The following ARHGAP44 variants were observed in gnomAD, a reference collection of about 807,000 sequenced individuals.
ARHGAP44 encodes the protein rho GTPase-activating protein 44.
Under a neutral mutation model 106.8 loss-of-function variants are expected in ARHGAP44, and 43 were observed. That is an observed-to-expected ratio of 0.40 (90% CI 0.32 to 0.52). The LOEUF (loss-of-function observed/expected upper bound fraction) is 0.52. ARHGAP44 is among the 20% of genes least tolerant of loss of function. The pLI is 0.48. For synonymous variants in ARHGAP44, 439 were observed against 410.3 expected, an observed-to-expected ratio of 1.07 and a Z score of -0.85; for missense variants, 866 against 1,050.5, an observed-to-expected ratio of 0.82 and a Z score of 2.43.
chr17:12,959,033 A>T (rs2039196194), intron 16 of ARHGAP44, 136 bp downstream of exon 16: 3 of 1,064,940 alleles, frequency 2.8e-6, no homozygotes, highest in Non-Finnish European at 4.1e-6. Context: ...TAGCAATTAA[A>T]CTGTATCTGC....
chr17:12,903,126 G>GAGAA (rs57334058), intron 3 of ARHGAP44, among the ~76,000 whole-genome samples: 1 of 70,700 alleles, frequency 1.4e-5, no homozygotes, highest in Non-Finnish European at 2.6e-5. Context: ...GAGAGAGAGA[G>GAGAA]GAGAGAGAGA....
At chr17:12,832,514 C>T (rs538157596) in intron 1 of ARHGAP44, among the ~76,000 whole-genome samples, 2 of 152,306 alleles carry the variant, frequency 1.3e-5, no homozygotes, top group African/African-American at 4.8e-5. Context: ...TTCTAACCTT[C>T]TGGCTAATTT....
chr17:12,865,897 C>T (rs542252414), intron 1 of ARHGAP44, among the ~76,000 whole-genome samples: 2 of 151,878 alleles, frequency 1.3e-5, no homozygotes, highest in African/African-American at 4.8e-5. Flanking sequence ...TATACTGTAT[C>T]GTAAGTAATG....
intron 1 of ARHGAP44, among the ~76,000 whole-genome samples, chr17:12,821,316 A>G (rs904181191): frequency 1.3e-5 from 2 of 152,232 alleles, no homozygotes; most frequent in Non-Finnish European, 2.9e-5. Context: ...TGTTATCAGT[A>G]AAACTGAAGT....
At chr17:12,987,327 T>TG (rs1041908823) in intron 20 of ARHGAP44, 4 of 558,490 alleles carry the variant, frequency 7.2e-6, no homozygotes, top group Admixed American at 7.0e-5. Flanking sequence ...TATTTGGCTT[T>TG]GGGGCATCCC....
intron 3 of ARHGAP44, among the ~76,000 whole-genome samples, chr17:12,906,440 A>G (rs1014176747): frequency 6.6e-6 from 1 of 152,162 alleles, no homozygotes; most frequent in Non-Finnish European, 1.5e-5. Flanking sequence ...GTATTTCTCA[A>G]CAACCAGCTA....
intron 6 of ARHGAP44, 98 bp from the exon 7 acceptor site, chr17:12,928,831 C>T (rs2038320959): frequency 7.5e-6 from 8 of 1,068,504 alleles, no homozygotes; most frequent in Admixed American, 4.4e-5. Flanking sequence ...TATGTAGTTC[C>T]CTGGGTGATA....
At chr17:12,796,032 A>G (rs939066183) in intron 1 of ARHGAP44, among the ~76,000 whole-genome samples, 1 of 152,156 alleles carries the variant, frequency 6.6e-6, no homozygotes, top group African/African-American at 2.4e-5. Context: ...TAGAAAAATC[A>G]TAAACTTATG....
At chr17:12,956,883 A>G (rs199989914) in intron 15 of ARHGAP44, 137 bp downstream of exon 15, 1 of 555,984 alleles carries the variant, frequency 1.8e-6, no homozygotes, top group Non-Finnish European at 3.2e-6. Context: ...ACACACACAC[A>G]CACACGCATG....
chr17:12,954,963 G>A (rs2039091004), intron 13 of ARHGAP44, among the ~76,000 whole-genome samples: 1 of 152,052 alleles, frequency 6.6e-6, no homozygotes, highest in Non-Finnish European at 1.5e-5. Context: ...TCTCATTTTA[G>A]AACATTTCCC....
intron 10 of ARHGAP44, among the ~76,000 whole-genome samples, chr17:12,948,796 C>G (rs1416384727): frequency 1.3e-5 from 2 of 148,626 alleles, no homozygotes; most frequent in East Asian, 4.0e-4. Context: ...CTGACCAGGT[C>G]TTAGTCGAAT....
intron 19 of ARHGAP44, among the ~76,000 whole-genome samples, chr17:12,983,943 T>G (rs1226646063): frequency 1.3e-5 from 2 of 152,188 alleles, no homozygotes; most frequent in Non-Finnish European, 2.9e-5. Flanking sequence ...GATGCAGGAT[T>G]GAGGCACAGC....
At chr17:12,919,891 G>T in intron 6 of ARHGAP44, 60 bp downstream of exon 6, 1 of 1,474,702 alleles carries the variant, frequency 6.8e-7, no homozygotes, top group East Asian at 2.4e-5. Flanking sequence ...TATTTTGGGC[G>T]GGTGGGTTTT....
At chr17:12,985,016 G>C in intron 20 of ARHGAP44, 108 bp downstream of exon 20, 1 of 1,395,302 alleles carries the variant, frequency 7.2e-7, no homozygotes, top group Non-Finnish European at 9.6e-7. Flanking sequence ...TGCGTGCTTT[G>C]GGATGACTGG....
intron 1 of ARHGAP44, among the ~76,000 whole-genome samples, chr17:12,818,061 G>A (rs964858759): frequency 6.6e-6 from 1 of 151,858 alleles, no homozygotes; most frequent in Non-Finnish European, 1.5e-5. Flanking sequence ...GAGAATTATA[G>A]ACGAACAGTC....
At chr17:12,802,626 T>C (rs530329656) in intron 1 of ARHGAP44, among the ~76,000 whole-genome samples, 1 of 152,056 alleles carries the variant, frequency 6.6e-6, no homozygotes, top group East Asian at 1.9e-4. Flanking sequence ...CTGTTTAACA[T>C]ACCCAGTTGT....
chr17:12,856,133 T>C lies in ARHGAP44; in HGVS notation c.54-38807T>C, dbSNP rs903407571. ...AGCTGAGGGGCCACATCTCCTATTT[T>C]CTTCTGTCTTTCTGTCCTCACCACC... On this transcript the variant is annotated intron_variant, in intron 1 of 20. Coordinates refer to ENST00000379672, the MANE Select transcript of ARHGAP44 (RefSeq NM_014859.6). 3.3e-5 allele frequency among the ~76,000 whole-genome samples: 5 copies of C among 152,222 alleles called. No homozygotes were observed. The South Asian group carries it at 1.0e-3, about 32-fold the overall frequency.
At chr17:12,985,731 G>C (rs554797379) in intron 20 of ARHGAP44, 4 of 152,240 alleles carry the variant, frequency 2.6e-5, no homozygotes, top group African/African-American at 9.7e-5. Context: ...CATTTTCCTT[G>C]TTCAGGGAGA....
intron 1 of ARHGAP44, among the ~76,000 whole-genome samples, chr17:12,809,380 A>T (rs1429837772): frequency 1.3e-5 from 2 of 152,174 alleles, no homozygotes; most frequent in African/African-American, 4.8e-5. Context: ...GGTTTAATTG[A>T]CTCACAGTTC....
Sources: gnomAD v4.1 joint callset for allele counts (sites outside exome capture counted in the v4.1 genomes callset) on GRCh38, gnomAD v4.1.1 for gene constraint, MANE v1.5 for transcripts, NCBI Gene and HGNC (gene_info 2026-07-23, HGNC 2026-07-21) for gene names.